Variants in LIMCH1 observed in about 807,000 individuals in gnomAD.
LIMCH1 encodes LIM and calponin homology domains-containing protein 1.
LIMCH1 carries 113 observed loss-of-function variants against 176.5 expected under a neutral mutation model. The observed-to-expected ratio is 0.64, with a 90% CI of 0.55 to 0.75. LIMCH1 has a LOEUF of 0.75. Among genes scored for constraint, LIMCH1 ranks in the 30% least tolerant of loss-of-function variants. The pLI, the probability that LIMCH1 is intolerant of heterozygous loss-of-function variation, is 0.00. For synonymous variants in LIMCH1, 619 were observed against 645.9 expected, an observed-to-expected ratio of 0.96 and a Z score of 0.63; for missense variants, 1,674 against 1,814.9, an observed-to-expected ratio of 0.92 and a Z score of 1.41.
chr4:41,570,173 G>T (rs978266070), intron 1 of LIMCH1, among the ~76,000 whole-genome samples: 6 of 152,188 alleles, frequency 3.9e-5, no homozygotes, highest in East Asian at 1.9e-4. Context: ...CATTAGATAT[G>T]CTGCATCAGC....
At chr4:41,533,161 G>A (rs1325702840), upstream of LIMCH1, among the ~76,000 whole-genome samples, 3 of 152,174 alleles carry the variant, frequency 2.0e-5, no homozygotes, top group Non-Finnish European at 4.4e-5. Context: ...AGCAGGAAGG[G>A]CCTGAGAAAG....
chr4:41,576,433 G>A (rs918174713), intron 1 of LIMCH1, among the ~76,000 whole-genome samples: 2 of 152,172 alleles, frequency 1.3e-5, no homozygotes, highest in Non-Finnish European at 2.9e-5. Context: ...CTTTGACTAA[G>A]CAACTTCTCT....
chr4:41,409,764 C>T (rs1452551419), intron 1 of LIMCH1, among the ~76,000 whole-genome samples: 2 of 152,156 alleles, frequency 1.3e-5, no homozygotes, highest in Non-Finnish European at 2.9e-5. Context: ...CCAGACTTTA[C>T]AGCTGTACCA....
intron 18 of LIMCH1, among the ~76,000 whole-genome samples, chr4:41,655,673 C>CT (rs112101600): frequency 0.014 from 2,091 of 149,724 alleles, 32 homozygotes; most frequent in African/African-American, 0.036. Flanking sequence ...TCCTGCAGCT[C>CT]TTTTTTTTTT....
intron 1 of LIMCH1, among the ~76,000 whole-genome samples, chr4:41,362,047 T>G (rs753398390): frequency 9.9e-5 from 15 of 152,190 alleles, no homozygotes; most frequent in Non-Finnish European, 7.3e-5. Context: ...TTCAGCATTG[T>G]GGTTCCCAAG....
At chr4:41,411,048 CTT>C (rs778061519) in intron 1 of LIMCH1, among the ~76,000 whole-genome samples, 34 of 152,354 alleles carry the variant, frequency 2.2e-4, no homozygotes, top group Non-Finnish European at 4.7e-4. Context: ...ATTGAAGACT[CTT>C]AGTCTTCTCA....
At chr4:41,618,270 A>G (rs1488216540) in intron 5 of LIMCH1, among the ~76,000 whole-genome samples, 2 of 152,190 alleles carry the variant, frequency 1.3e-5, no homozygotes, top group African/African-American at 4.8e-5. Flanking sequence ...CTTCATACTA[A>G]TAGATCCTAG....
chr4:41,392,754 A>C (rs1270502015), intron 1 of LIMCH1, among the ~76,000 whole-genome samples: 1 of 145,828 alleles, frequency 6.9e-6, no homozygotes, highest in Non-Finnish European at 1.5e-5. Context: ...GTTATAGGCC[A>C]GGCGCAGTGG....
At chr4:41,406,411 C>T (rs1364947667) in intron 1 of LIMCH1, among the ~76,000 whole-genome samples, 1 of 152,084 alleles carries the variant, frequency 6.6e-6, no homozygotes, top group African/African-American at 2.4e-5. Flanking sequence ...CCTCTGTGTA[C>T]TTAGAGGGCT....
rs2152866892 is a variant in LIMCH1 at position 41,631,360 on chromosome 4, A to T, written c.1484A>T (p.Asp495Val). The change falls in exon 10 of 32, where the codon GAT (aspartate) becomes GTT (valine). Residue 495 changes from aspartate to valine, a missense_variant. Asp to Val is a radical substitution (Grantham distance 152). Coordinates refer to ENST00000503057, the MANE Select transcript of LIMCH1 (RefSeq NM_001330672.2). ...ATTGGCAAGGCTGGGCCTAGAGAGG[A>T]TGAAGAAGAAGTCATCTGTCATGGC... Reference protein sequence around the residue: ...LSIGKAGPREDEEEVICHGSK... With the variant: ...LSIGKAGPREVEEEVICHGSK... 4 of 1,536,236 alleles carry T rather than the reference A, an allele frequency of 2.6e-6. No homozygotes were observed. Among genetic ancestry groups the T allele is most frequent in the Non-Finnish European group, 2.6e-6 (3 of 1,146,932 alleles).
chr4:41,369,416 G>C (rs574195819), intron 1 of LIMCH1, among the ~76,000 whole-genome samples: 2 of 152,302 alleles, frequency 1.3e-5, no homozygotes, highest in East Asian at 3.9e-4. Context: ...CCCCAGGCAG[G>C]AGTAATGCTC....
chr4:41,565,835 T>G (rs2082694675), intron 1 of LIMCH1, among the ~76,000 whole-genome samples: 1 of 152,102 alleles, frequency 6.6e-6, no homozygotes, highest in South Asian at 2.1e-4. Context: ...CCATCCCAAT[T>G]TGTGCCCCAC....
chr4:41,612,890 C>G, intron 4 of LIMCH1: 3 of 1,279,668 alleles, frequency 2.3e-6, no homozygotes, highest in Non-Finnish European at 3.1e-6. Context: ...CTCAGAAAGA[C>G]AGCTCCCTTT....
chr4:41,429,712 A>G (rs2061425951), intron 1 of LIMCH1, among the ~76,000 whole-genome samples: 1 of 152,188 alleles, frequency 6.6e-6, no homozygotes, highest in Admixed American at 6.5e-5. Flanking sequence ...GATGTGTTAG[A>G]TGATGCTGCA....
chr4:41,471,302 G>C (rs2066926532), intron 1 of LIMCH1, among the ~76,000 whole-genome samples: 1 of 152,200 alleles, frequency 6.6e-6, no homozygotes, highest in Non-Finnish European at 1.5e-5. Flanking sequence ...TGGGGGCACA[G>C]CAGAGCTTTG....
chr4:41,631,289 TG>T lies in LIMCH1; in HGVS notation c.1416del (p.Pro473GlnfsTer2). Reference sequence around the variant, plus strand: ...GCCCCAGGCAAAAGTTTGTGCACTTTGGGCCAGTGACGGAGCTAGATCAGCA... The same window carrying T: ...GCCCCAGGCAAAAGTTTGTGCACTTTGGCCAGTGACGGAGCTAGATCAGCA... ...SSPRQKFVHF[G>X]PVTELDQQKW... On this transcript the variant is annotated frameshift_variant, in exon 10 of 32. Coordinates refer to ENST00000503057, the MANE Select transcript of LIMCH1 (RefSeq NM_001330672.2). LOFTEE classifies it high-confidence loss of function. The T allele has an allele frequency of 6.5e-7, 1 of 1,536,080 alleles. No individual in the cohort carries two copies. The highest frequency in any genetic ancestry group is 8.7e-7 in the Non-Finnish European group (1 of 1,146,890).
chr4:41,521,937 C>G (rs2076163897), intron 2 of LIMCH1, among the ~76,000 whole-genome samples: 1 of 151,682 alleles, frequency 6.6e-6, no homozygotes, highest in Non-Finnish European at 1.5e-5. Flanking sequence ...TTAAAAATCT[C>G]AATATATATA....
intron 1 of LIMCH1, among the ~76,000 whole-genome samples, chr4:41,410,137 G>A (rs915899391): frequency 6.6e-6 from 1 of 152,076 alleles, no homozygotes; most frequent in African/African-American, 2.4e-5. Flanking sequence ...GAAAGCACAG[G>A]GAAAAAAGAG....
At chr4:41,395,669 CT>C (rs2057730044) in intron 1 of LIMCH1, among the ~76,000 whole-genome samples, 1 of 152,094 alleles carries the variant, frequency 6.6e-6, no homozygotes, top group Non-Finnish European at 1.5e-5. Context: ...TCTGGGCATA[CT>C]TTTATAAAAG....
Sources: allele counts gnomAD v4.1 joint callset (sites outside exome capture counted in the v4.1 genomes callset), GRCh38; gene constraint gnomAD v4.1.1; transcripts MANE v1.5; gene names NCBI Gene and HGNC (gene_info 2026-07-23, HGNC 2026-07-21).